CBARP: variants seen among roughly 807,000 people sequenced by gnomAD.
CBARP encodes voltage-dependent calcium channel beta subunit-associated regulatory protein.
Under a neutral mutation model 36.3 loss-of-function variants are expected in CBARP, and 24 were observed. The ratio of observed to expected loss-of-function variants is 0.66; its 90% CI spans 0.48 to 0.93. The LOEUF (loss-of-function observed/expected upper bound fraction) is 0.93, where lower values mean the gene tolerates loss of function less well. Among genes scored for constraint, CBARP ranks in the 40% least tolerant of loss-of-function variants. The probability of loss-of-function intolerance (pLI) is 0.00; values close to 1 mark genes in which losing one functional copy is unlikely to be tolerated. For missense variants in CBARP, 1,146 were observed against 980.4 expected (o/e 1.17, Z -2.26); for synonymous variants, 586 against 453.2 (o/e 1.29, Z -3.72).
chr19:1,234,172 G>C lies in CBARP; in HGVS notation c.768+19C>G, dbSNP rs776800497. On this transcript the variant is annotated intron_variant, in intron 7 of 9. Transcript: ENST00000650044. ...CTCCCCGGCTGTGGACACCATGGGG[G>C]ACACGCAGGGGCCCTCACCGAGGTG... The C allele has an allele frequency of 6.7e-7, 1 of 1,500,026 alleles. No homozygotes were observed. The highest frequency in any genetic ancestry group is 8.9e-7 in the Non-Finnish European group (1 of 1,128,980). 92.9% of individuals were successfully genotyped at this position (1,500,026 alleles called of 1,614,324 possible).
intron 5 of CBARP, 102 bp from the exon 6 acceptor site, chr19:1,234,844 G>A (rs778528855): frequency 1.4e-5 from 22 of 1,517,972 alleles, no homozygotes; most frequent in South Asian, 5.0e-5. Flanking sequence ...AGGGGCAGGC[G>A]AAAGGGGGGC....
rs2080869645 is a variant in CBARP at position 1,230,086 on chromosome 19, C to T, written c.1211G>A (p.Gly404Asp). The T allele has an allele frequency of 4.5e-6, 5 of 1,101,572 alleles. No homozygotes were observed. The South Asian group carries it at 5.8e-5, about 13-fold the overall frequency. The allele number at this position is 1,101,572 out of a possible 1,614,324, so 68.2% of individuals were successfully genotyped here. ...CTGCTCAGGCCCCGCGCTGCCCGCG[C>T]CGCGCTCCGGGGGGGAATCGGGGCT... ...GASPDSPPERGAGSAGPEQQQ... is the reference protein window; with the variant it reads ...GASPDSPPERDAGSAGPEQQQ... Residue 404 changes from glycine (G) to aspartate (D), a missense_variant, in exon 10 of 10, where the codon GGC becomes GAC. Physicochemically the swap from Gly to Asp is moderately conservative, Grantham distance 94. Transcript: ENST00000650044.
chr19:1,233,757 G>A (rs2145453765), intron 7 of CBARP, 121 bp from the exon 8 acceptor site: 2 of 999,776 alleles, frequency 2.0e-6, no homozygotes, highest in South Asian at 3.4e-5. Flanking sequence ...GACAGAGAGG[G>A]GTACCTGCTC....
At chr19:1,232,793 C>T (rs1430415123) in intron 8 of CBARP, among the ~76,000 whole-genome samples, 3 of 152,246 alleles carry the variant, frequency 2.0e-5, no homozygotes, top group Non-Finnish European at 4.4e-5. Context: ...ACTGCTTCCT[C>T]GCCTCAACAG....
rs566571042 is a variant in CBARP at position 1,235,797 on chromosome 19, A to G, written c.227T>C (p.Val76Ala). The change falls in exon 3 of 10, where the codon GTC (valine) becomes GCC (alanine). Residue 76 changes from valine (V) to alanine (A), a missense_variant. Transcript: ENST00000650044. ...VLLLCKRCWDVHQRLNRAMEE... is the reference protein window; with the variant it reads ...VLLLCKRCWDAHQRLNRAMEE... Reference sequence around the variant, plus strand: ...CTCGCACCTGTTGAGGCGCTGGTGGACGTCCCAGCAGCGCTTGCAGAGGAG... The same window carrying G: ...CTCGCACCTGTTGAGGCGCTGGTGGGCGTCCCAGCAGCGCTTGCAGAGGAG... The G allele has an allele frequency of 4.4e-6, 7 of 1,608,456 alleles. No homozygotes were observed. Among genetic ancestry groups the G allele is most frequent in the Non-Finnish European group, 5.9e-6 (7 of 1,179,896 alleles).
Position 1,229,685 on chromosome 19 carries a change from G to GGCGCGGGCGGCGGGGCCAGGC in CBARP, c.1591_1611dup (p.Ala531_Arg537dup). 9.4e-7 allele frequency: 1 copy of GGCGCGGGCGGCGGGGCCAGGC among 1,066,594 alleles called. No individual in the cohort carries two copies. The highest frequency in any genetic ancestry group is 1.1e-6 in the Non-Finnish European group (1 of 871,738). The allele number at this position is 1,066,594 out of a possible 1,614,324, so 66.1% of individuals were successfully genotyped here. On this transcript the variant is annotated inframe_insertion, in exon 10 of 10. Coordinates refer to ENST00000650044, the MANE Select transcript of CBARP (RefSeq NM_001393918.1). This position sits in a 1 kb window ranked among gnomAD's most constrained non-coding sequence, Gnocchi z 5.1. ...GTCTTCTCGTCGATGCTGTAGTCGC[G>GGCGCGGGCGGCGGGGCCAGGC]GCGCGGGCGGCGGGGCCAGGCGCGC...
Position 1,229,546 on chromosome 19 carries a change from C to T in CBARP, c.1751G>A (p.Gly584Asp). ...HPHARKQWQR[G>D]RQHSDPGARA... is the part of the protein sequence containing the mutation. ...GGCGCCGGGGTCGCTGTGCTGCCGG[C>T]CACGCTGCCACTGTTTGCGGGCGTG... The change falls in exon 10 of 10, where the codon GGC becomes GAC. Residue 584 changes from glycine to aspartate, a missense_variant. Physicochemically the swap from Gly to Asp is moderately conservative, Grantham distance 94. Transcript: ENST00000650044. The surrounding 1 kb of genome is among the most constrained non-coding windows in gnomAD (Gnocchi z 5.1). 4 of 994,734 alleles carry T rather than the reference C, an allele frequency of 4.0e-6. No homozygotes were observed. Among genetic ancestry groups the T allele is most frequent in the South Asian group, 3.7e-5 (1 of 27,334 alleles). 61.6% of individuals were successfully genotyped at this position (994,734 alleles called of 1,614,324 possible).
At position 1,229,705 on chromosome 19, in the gene CBARP, G is replaced by A. The variant is rs1335481734; in HGVS notation, c.1592C>T (p.Ala531Val). The A allele has an allele frequency of 5.0e-6, 5 of 996,790 alleles. No homozygotes were observed. The highest frequency in any genetic ancestry group is 4.7e-4 in the Middle Eastern group (1 of 2,110). The allele number at this position is 996,790 out of a possible 1,614,324, so 61.7% of individuals were successfully genotyped here. ...GTCGCGGCGCGGGCGGCGGGGCCAG[G>A]CGCGCGGGCTGCGGGGCCGGGCGGG... The part of the protein sequence containing the change: ...AAPARPRSPR[A>V]WPRRPRRDYS... Residue 531 changes from alanine (A) to valine (V), a missense_variant, in exon 10 of 10, where the codon GCC becomes GTC. Transcript: ENST00000650044. The surrounding 1 kb of genome is among the most constrained non-coding windows in gnomAD (Gnocchi z 5.1).
At chr19:1,232,307 G>A (rs1299886721) in intron 8 of CBARP, among the ~76,000 whole-genome samples, 1 of 152,084 alleles carries the variant, frequency 6.6e-6, no homozygotes, top group Non-Finnish European at 1.5e-5. Flanking sequence ...GCTACCTTGG[G>A]GGTGGGGGCT....
At position 1,234,601 on chromosome 19, in the gene CBARP, G is replaced by C. The variant is rs752829837; in HGVS notation, c.597C>G (p.Thr199=). The C allele has an allele frequency of 6.2e-7, 1 of 1,607,930 alleles. No individual in the cohort carries two copies. The highest frequency in any genetic ancestry group is 8.5e-7 in the Non-Finnish European group (1 of 1,178,006). The change falls in exon 6 of 10, where the codon ACC becomes ACG. Residue 199 remains threonine, a synonymous_variant. Coordinates refer to ENST00000650044, the MANE Select transcript of CBARP (RefSeq NM_001393918.1). The part of the protein sequence containing the change: ...ASSATTPHPA[T]SPKATLAIFQ... ...AGATGGCCAGAGTGGCCTTGGGAGA[G>C]GTGGCCGGGTGGGGCGTGGTGGCTG...
chr19:1,235,221 C>A (rs965295131), intron 4 of CBARP, 76 bp from the exon 5 acceptor site: 69 of 1,364,014 alleles, frequency 5.1e-5, no homozygotes, highest in Non-Finnish European at 6.5e-5. Flanking sequence ...GCTGCTCCTC[C>A]GGGCGGCCAC....
At position 1,233,634 on chromosome 19, in the gene CBARP, C is replaced by G. The variant is rs1198130198; in HGVS notation, c.771G>C (p.Leu257Phe). 6.2e-7 allele frequency: 1 copy of G among 1,607,426 alleles called. No individual in the cohort carries two copies. The highest frequency in any genetic ancestry group is 1.3e-5 in the African/African-American group (1 of 74,954). ...CCTTGGTGCTCCTGGTACCGGCATC[C>G]AACTGGCAGGGAACAGAGATGGCGC... ...ASSDSGEGTS[L>F]DAGTRSTKAG... Residue 257 changes from leucine to phenylalanine, a missense_variant and splice_region_variant, in exon 8 of 10, where the codon TTG becomes TTC. By Grantham distance (22) the Leu-to-Phe change is conservative. Transcript: ENST00000650044.
intron 8 of CBARP, 106 bp from the exon 9 acceptor site, chr19:1,231,381 C>A (rs1466777106): frequency 7.4e-7 from 1 of 1,348,530 alleles, no homozygotes; most frequent in African/African-American, 1.6e-5. Context: ...AATGCCTGTG[C>A]CCCCCCGCCA....
At chr19:1,233,359 A>G in intron 8 of CBARP, 67 bp downstream of exon 8, 1 of 1,425,816 alleles carries the variant, frequency 7.0e-7, no homozygotes, top group Non-Finnish European at 9.5e-7. Flanking sequence ...CTGGATGTCC[A>G]GGGCAGCCCC....
At chr19:1,232,378 T>C (rs187172528) in intron 8 of CBARP, among the ~76,000 whole-genome samples, 1 of 152,270 alleles carries the variant, frequency 6.6e-6, no homozygotes, top group Admixed American at 6.5e-5. Context: ...CACTGTCTGA[T>C]GATGTGTCCT....
At position 1,235,675 on chromosome 19, in the gene CBARP, C is replaced by T. The variant is rs2080959510; in HGVS notation, c.245+104G>A. The T allele has an allele frequency of 3.1e-6, 5 of 1,592,804 alleles. 1 individual carries two copies. In the South Asian group the frequency reaches 4.5e-5, roughly 14 times the overall value. ...CTGCGCATCACCCAGTCTCCAGAGG[C>T]ATAGCCCACCCTGTGACTCAGAAGC... On this transcript the variant is annotated intron_variant, in intron 3 of 9. Coordinates refer to ENST00000650044, the MANE Select transcript of CBARP (RefSeq NM_001393918.1).
chr19:1,229,841 G>T lies in CBARP; in HGVS notation c.1456C>A (p.Pro486Thr). Residue 486 changes from proline (P) to threonine (T), a missense_variant, in exon 10 of 10, where the codon CCC becomes ACC. Coordinates refer to ENST00000650044, the MANE Select transcript of CBARP (RefSeq NM_001393918.1). The surrounding 1 kb of genome is among the most constrained non-coding windows in gnomAD (Gnocchi z 5.1). The stretch of plus-strand genomic sequence containing the variant: ...TCGCCGTCCTTGGGCCGCGGCGCGG[G>T]CGGGGAGGGCGGCGGGAAGGCGGGC... ...AAPAFPPPSPPAPRPKDGEAR... is the reference protein window; with the variant it reads ...AAPAFPPPSPTAPRPKDGEAR... 3.0e-6 allele frequency: 3 copies of T among 985,270 alleles called. No individual in the cohort carries two copies. The highest frequency in any genetic ancestry group is 3.6e-6 in the Non-Finnish European group (3 of 831,062). 61.0% of individuals were successfully genotyped at this position (985,270 alleles called of 1,614,324 possible).
intron 4 of CBARP, 32 bp downstream of exon 4, chr19:1,235,469 C>A (rs778274409): frequency 1.3e-6 from 2 of 1,551,428 alleles, no homozygotes; most frequent in South Asian, 1.2e-5. Context: ...GATGGACAGG[C>A]GAGCGCACAG....
intron 8 of CBARP, 121 bp downstream of exon 8, chr19:1,233,305 G>A: frequency 1.1e-5 from 11 of 1,030,202 alleles, no homozygotes; most frequent in Non-Finnish European, 1.5e-5. Context: ...GCAGGACTCA[G>A]CCCCAGAGCA....
Sources: allele counts gnomAD v4.1 joint callset (sites outside exome capture counted in the v4.1 genomes callset), GRCh38; gene constraint gnomAD v4.1.1; non-coding constraint Gnocchi (gnomAD v3.1); transcripts MANE v1.5; gene names NCBI Gene and HGNC (gene_info 2026-07-23, HGNC 2026-07-21).